Variants in SYNPR observed in about 807,000 individuals in gnomAD.
SYNPR encodes synaptoporin.
In SYNPR, 23 loss-of-function variants were observed where a neutral mutation model predicts 32.9. The observed-to-expected ratio is 0.70, with a 90% confidence interval of 0.50 to 0.99. The LOEUF (loss-of-function observed/expected upper bound fraction) is 0.99. Among genes scored for constraint, SYNPR ranks in the 50% least tolerant of loss-of-function variants. The pLI is 0.00. For synonymous variants in SYNPR, 146 were observed against 135.9 expected (o/e 1.07, Z -0.52); for missense variants, 318 against 349.3 (o/e 0.91, Z 0.71).
At chr3:63,380,861 G>A (rs2087959516) in intron 2 of SYNPR, among the ~76,000 whole-genome samples, 1 of 152,140 alleles carries the variant, frequency 6.6e-6, no homozygotes, top group Admixed American at 6.5e-5. Context: ...AGCCCTTCAT[G>A]CTAAAAACTC....
At chr3:63,380,361 C>G (rs1417980776) in intron 2 of SYNPR, among the ~76,000 whole-genome samples, 1 of 152,142 alleles carries the variant, frequency 6.6e-6, no homozygotes, top group African/African-American at 2.4e-5. Flanking sequence ...TGTTTCCTGA[C>G]TTTTTAGTGA....
chr3:63,269,430 A>C (rs1221613434), intron 3 of SYNPR, among the ~76,000 whole-genome samples: 2 of 152,082 alleles, frequency 1.3e-5, no homozygotes, highest in African/African-American at 2.4e-5. Context: ...CAGAGGTTTC[A>C]GTGAGCCACT....
intron 2 of SYNPR, among the ~76,000 whole-genome samples, chr3:63,361,222 T>C (rs1353925310): frequency 2.0e-5 from 3 of 152,114 alleles, no homozygotes; most frequent in African/African-American, 4.8e-5. Flanking sequence ...AAATTACACC[T>C]GCAGGATGGT....
chr3:63,515,350 C>T (rs1315781837), intron 3 of SYNPR, among the ~76,000 whole-genome samples: 2 of 152,058 alleles, frequency 1.3e-5, no homozygotes, highest in African/African-American at 4.8e-5. Context: ...TAATTGTCTT[C>T]CTCCTTTTGC....
At chr3:63,399,446 G>A (rs573411369) in intron 2 of SYNPR, among the ~76,000 whole-genome samples, 7 of 152,168 alleles carry the variant, frequency 4.6e-5, no homozygotes, top group South Asian at 2.1e-4. Context: ...TTCTATAGGC[G>A]GTCTGGAAGT....
At chr3:63,422,295 C>T (rs1005437942) in intron 2 of SYNPR, among the ~76,000 whole-genome samples, 1 of 152,164 alleles carries the variant, frequency 6.6e-6, no homozygotes, top group South Asian at 2.1e-4. Context: ...AAAATGGGAC[C>T]TTTTCCCTAA....
At chr3:63,348,527 T>C (rs775092971) in intron 2 of SYNPR, among the ~76,000 whole-genome samples, 7 of 152,234 alleles carry the variant, frequency 4.6e-5, no homozygotes, top group Non-Finnish European at 7.3e-5. Flanking sequence ...AGCAGCTTTT[T>C]AGTTTAATTA....
chr3:63,322,922 C>T (rs1025139790), intron 2 of SYNPR, among the ~76,000 whole-genome samples: 2 of 152,044 alleles, frequency 1.3e-5, no homozygotes, highest in Admixed American at 6.6e-5. Context: ...GGGCATTTCT[C>T]CTGCTTAGAC....
rs2086640680 is a variant in SYNPR, at chr3:63,282,632, G to T, written c.84+3890G>T. Among the ~76,000 whole-genome samples, 5 of 148,794 alleles carry T rather than the reference G, an allele frequency of 3.4e-5. No individual in the cohort carries two copies. In the South Asian group the frequency reaches 8.4e-4, roughly 25 times the overall value. ...CACGAGGTCAAGGCTACAGTGAGCT[G>T]TGGTCACTTCACTGCACTTCATCCT... is the stretch of plus-strand genomic sequence containing the variant. On this transcript the variant is annotated intron_variant, in intron 2 of 5. Coordinates refer to ENST00000478300, the MANE Select transcript of SYNPR (RefSeq NM_001130003.2).
chr3:63,277,321 G>A (rs1461090372), upstream of SYNPR, among the ~76,000 whole-genome samples: 4 of 152,062 alleles, frequency 2.6e-5, no homozygotes, highest in Non-Finnish European at 5.9e-5. Context: ...ACAGTTTTCA[G>A]CTCATAGAAA....
At position 63,502,022 on chromosome 3, in the gene SYNPR, C is replaced by T. The variant is rs543931899; in HGVS notation, c.209+21066C>T. ...TATGAAGAAAATAATATTTAAGTCTCATTAATAATTATTTATATTGATTAC... is the reference window on the plus strand; with the variant it reads ...TATGAAGAAAATAATATTTAAGTCTTATTAATAATTATTTATATTGATTAC... On this transcript the variant is annotated intron_variant, in intron 3 of 5. Coordinates refer to ENST00000478300, the MANE Select transcript of SYNPR (RefSeq NM_001130003.2). 9.2e-5 allele frequency among the ~76,000 whole-genome samples: 14 copies of T among 152,162 alleles called. No homozygotes were observed. The South Asian group carries it at 2.5e-3, about 27-fold the overall frequency.
intron 3 of SYNPR, among the ~76,000 whole-genome samples, chr3:63,535,880 A>G (rs2202494): frequency 0.39 from 58,826 of 151,898 alleles, 11,728 homozygotes; most frequent in African/African-American, 0.49. Context: ...CTAGGCAATC[A>G]TTTCTTAGAT....
chr3:63,287,703 G>T (rs2086699109), intron 2 of SYNPR, among the ~76,000 whole-genome samples: 1 of 152,142 alleles, frequency 6.6e-6, no homozygotes, highest in East Asian at 1.9e-4. Context: ...ATGAATTATT[G>T]GTAACACATT....
At position 63,473,231 on chromosome 3, in the gene SYNPR, T is replaced by C. The variant is rs79462106; in HGVS notation, c.85-7601T>C. Reference sequence around the variant, plus strand: ...AGCTATCCATTCCTCCAGACAGCTATGTCCCCCTTCCCTCCCCTGCAATTA... The same window carrying C: ...AGCTATCCATTCCTCCAGACAGCTACGTCCCCCTTCCCTCCCCTGCAATTA... On this transcript the variant is annotated intron_variant, in intron 2 of 5. Transcript: ENST00000478300. Among the ~76,000 whole-genome samples the C allele has an allele frequency of 9.5e-3, 1,439 of 152,256 alleles. 22 individuals are homozygous for C. The highest frequency in any genetic ancestry group is 0.032 in the African/African-American group (1,333 of 41,544).
the SYNPR span, among the ~76,000 whole-genome samples, chr3:63,218,263 C>G: frequency 6.6e-6 from 1 of 152,242 alleles, no homozygotes; most frequent in African/African-American, 2.4e-5. Flanking sequence ...ACCCTGTTCA[C>G]TGGCAGTCAA....
chr3:63,339,672 T>C (rs2106998836), intron 2 of SYNPR, among the ~76,000 whole-genome samples: 1 of 152,172 alleles, frequency 6.6e-6, no homozygotes, highest in South Asian at 2.1e-4. Flanking sequence ...CTTTTTTTTT[T>C]TTTGAGATGG....
At chr3:63,241,541 G>A (rs2086242895) in intron 1 of SYNPR, among the ~76,000 whole-genome samples, 1 of 151,882 alleles carries the variant, frequency 6.6e-6, no homozygotes, top group South Asian at 2.1e-4. Flanking sequence ...CAGGAATTCT[G>A]GAAATTCTTC....
chr3:63,553,243 T>C (rs920969776), intron 3 of SYNPR, among the ~76,000 whole-genome samples: 1 of 152,222 alleles, frequency 6.6e-6, no homozygotes, highest in African/African-American at 2.4e-5. Flanking sequence ...TCCAACTCCA[T>C]TCATGTTACT....
chr3:63,239,001 C>A (rs7616028), intron 1 of SYNPR, among the ~76,000 whole-genome samples: 124,924 of 152,066 alleles, frequency 0.82, 51,806 homozygotes, highest in Middle Eastern at 0.88. Flanking sequence ...GGTTTAAACA[C>A]AACCAAGATT....
Sources: gnomAD v4.1 joint callset for allele counts (sites outside exome capture counted in the v4.1 genomes callset) on GRCh38, gnomAD v4.1.1 for gene constraint, MANE v1.5 for transcripts, NCBI Gene and HGNC (gene_info 2026-07-23, HGNC 2026-07-21) for gene names.